Variants in UBE2F observed in about 807,000 individuals in gnomAD.
UBE2F encodes the protein ubiquitin conjugating enzyme E2 F (putative), also known as NEDD8-conjugating enzyme UBE2F.
Under a neutral mutation model 29.6 loss-of-function variants are expected in UBE2F, and 5 were observed. The ratio of observed to expected loss-of-function variants is 0.17; its 90% CI spans 0.09 to 0.36. The LOEUF (loss-of-function observed/expected upper bound fraction) is 0.36, where lower values mean the gene tolerates loss of function less well. UBE2F is among the 10% of genes least tolerant of loss of function. The pLI, the probability that UBE2F is intolerant of heterozygous loss-of-function variation, is 1.00. For missense variants in UBE2F, 141 were observed against 228.5 expected (o/e 0.62, Z 2.47); for synonymous variants, 66 against 81.8 (o/e 0.81, Z 1.04).
At chr2:237,977,256 C>T (rs575866912) in intron 2 of UBE2F, among the ~76,000 whole-genome samples, 10 of 151,696 alleles carry the variant, frequency 6.6e-5, no homozygotes, top group Admixed American at 1.3e-4. Flanking sequence ...AGGAGAGGTG[C>T]AGAGCCAACG....
At position 237,967,656 on chromosome 2, in the gene UBE2F, A is replaced by G. The variant is rs922733506; in HGVS notation, c.-17+524A>G. On this transcript the variant is annotated intron_variant, in intron 1 of 9. Coordinates refer to ENST00000272930, the MANE Select transcript of UBE2F (RefSeq NM_080678.3). The surrounding 1 kb of genome is among the most constrained non-coding windows in gnomAD (Gnocchi z 6.3). ...GAGCGGGGGAGGTGAGGGGAGTGAC[A>G]ACTCGCGCCCGGTCCTCGTACCTGC... is the stretch of plus-strand genomic sequence containing the variant. Among the ~76,000 whole-genome samples, 1 of 152,104 alleles carries G rather than the reference A, an allele frequency of 6.6e-6. No individual in the cohort carries two copies. Among genetic ancestry groups the G allele is most frequent in the Admixed American group, 6.5e-5 (1 of 15,274 alleles).
chr2:238,037,619 C>CT (rs907024366), intron 9 of UBE2F, among the ~76,000 whole-genome samples: 128 of 150,428 alleles, frequency 8.5e-4, no homozygotes, highest in Admixed American at 2.7e-3. Flanking sequence ...GCTGAAGTTG[C>CT]TTTTTTTTTT....
At chr2:237,994,708 C>T in intron 3 of UBE2F, 36 bp from the exon 4 acceptor site, 1 of 1,584,882 alleles carries the variant, frequency 6.3e-7, no homozygotes, top group Non-Finnish European at 8.7e-7. Context: ...CTGCTGCTCA[C>T]TGCCAGACCT....
chr2:238,012,210 C>G (rs958996174), intron 4 of UBE2F, among the ~76,000 whole-genome samples: 4 of 152,046 alleles, frequency 2.6e-5, no homozygotes, highest in African/African-American at 9.7e-5. Flanking sequence ...CATGATTTTT[C>G]CACTGACTGT....
At chr2:237,989,265 C>T (rs770186574) in intron 3 of UBE2F, among the ~76,000 whole-genome samples, 1 of 152,162 alleles carries the variant, frequency 6.6e-6, no homozygotes, top group Non-Finnish European at 1.5e-5. Context: ...TTCCAGCCTC[C>T]ATCTGAAGTA....
chr2:237,980,321 C>A (rs2063354509), intron 2 of UBE2F, among the ~76,000 whole-genome samples: 1 of 152,194 alleles, frequency 6.6e-6, no homozygotes, highest in Non-Finnish European at 1.5e-5. Flanking sequence ...TTGGCCTAAA[C>A]AATAGGCATG....
At chr2:237,986,027 AT>A (rs146436820) in intron 2 of UBE2F, 159 of 201,112 alleles carry the variant, frequency 7.9e-4, no homozygotes, top group South Asian at 2.2e-3. Flanking sequence ...CCCATTTTTA[AT>A]TTTTTTTTGC....
At chr2:238,011,378 T>C (rs2064024537) in intron 4 of UBE2F, among the ~76,000 whole-genome samples, 1 of 152,174 alleles carries the variant, frequency 6.6e-6, no homozygotes, top group Admixed American at 6.5e-5. Context: ...CAATTCATCA[T>C]TTTCTCTGAC....
At chr2:237,992,206 A>G (rs2063605988) in intron 3 of UBE2F, among the ~76,000 whole-genome samples, 1 of 152,178 alleles carries the variant, frequency 6.6e-6, no homozygotes, top group Non-Finnish European at 1.5e-5. Context: ...TTTTGGAGCT[A>G]TTGATTTCCG....
chr2:238,027,033 C>T (rs897538904), intron 6 of UBE2F, among the ~76,000 whole-genome samples: 3 of 152,240 alleles, frequency 2.0e-5, no homozygotes, highest in African/African-American at 7.2e-5. Context: ...CCATACTCTA[C>T]TTCCCTGTCT....
At chr2:237,990,532 A>G in intron 3 of UBE2F, 1 of 321,316 alleles carries the variant, frequency 3.1e-6, no homozygotes. Flanking sequence ...TCTCCTGAGC[A>G]GCTGAGACCT....
chr2:237,974,134 C>T (rs893641066), intron 2 of UBE2F, among the ~76,000 whole-genome samples: 8 of 150,562 alleles, frequency 5.3e-5, no homozygotes, highest in African/African-American at 1.2e-4. Context: ...GCGGAGATTA[C>T]GGGCACCCGC....
chr2:237,970,920 G>A (rs573533687), intron 1 of UBE2F, among the ~76,000 whole-genome samples: 32 of 152,236 alleles, frequency 2.1e-4, no homozygotes, highest in Admixed American at 1.0e-3. Flanking sequence ...GCCATGTTGG[G>A]CAGGCTGGTC....
chr2:238,003,304 G>C, intron 4 of UBE2F: 2 of 467,720 alleles, frequency 4.3e-6, no homozygotes, highest in Non-Finnish European at 8.9e-6. Context: ...TCAGTTATCT[G>C]CCAAAGCATT....
intron 7 of UBE2F, among the ~76,000 whole-genome samples, chr2:238,031,995 C>T (rs2064592954): frequency 1.3e-5 from 2 of 152,230 alleles, no homozygotes; most frequent in African/African-American, 4.8e-5. Flanking sequence ...GTGTCTGATG[C>T]TATCTTTGAT....
intron 4 of UBE2F, among the ~76,000 whole-genome samples, chr2:238,003,914 C>A (rs2063849085): frequency 6.6e-6 from 1 of 152,136 alleles, no homozygotes; most frequent in Non-Finnish European, 1.5e-5. Flanking sequence ...TTTGTAGATC[C>A]CCTCTCCATC....
intron 8 of UBE2F, among the ~76,000 whole-genome samples, chr2:238,033,772 T>G (rs2064640995): frequency 6.6e-6 from 1 of 152,272 alleles, no homozygotes; most frequent in Admixed American, 6.5e-5. Flanking sequence ...TCATACCTGA[T>G]GGACACCTGG....
intron 1 of UBE2F, among the ~76,000 whole-genome samples, chr2:237,969,097 GA>G (rs1576582519): frequency 1.3e-5 from 2 of 152,266 alleles, no homozygotes. Context: ...TAGAATGTTA[GA>G]GAAGTACATT....
At chr2:237,984,477 A>G (rs1244500306) in intron 2 of UBE2F, among the ~76,000 whole-genome samples, 1 of 152,206 alleles carries the variant, frequency 6.6e-6, no homozygotes, top group East Asian at 1.9e-4. Flanking sequence ...GTGCTTTCGC[A>G]CATTGCTAAT....
Sources: allele counts gnomAD v4.1 joint callset (sites outside exome capture counted in the v4.1 genomes callset), GRCh38; gene constraint gnomAD v4.1.1; non-coding constraint Gnocchi (gnomAD v3.1); transcripts MANE v1.5; gene names NCBI Gene and HGNC (gene_info 2026-07-23, HGNC 2026-07-21).